The following TRPC6 variants were observed in gnomAD, a reference collection of about 807,000 sequenced individuals.
TRPC6 encodes transient receptor potential cation channel subfamily C member 6.
TRPC6 carries 55 observed loss-of-function variants against 90.7 expected under a neutral mutation model. The observed-to-expected ratio is 0.61, with a 90% CI of 0.49 to 0.76. TRPC6 has a LOEUF of 0.76. Ranked by LOEUF, TRPC6 falls within the 30% of genes least tolerant of loss-of-function variation. The pLI, the probability that TRPC6 is intolerant of heterozygous loss-of-function variation, is 0.00. For missense variants in TRPC6, 989 were observed against 1,122.7 expected (o/e 0.88, Z 1.70); for synonymous variants, 393 against 393.0 (o/e 1.00, Z 0.00).
At chr11:101,479,967 T>G (rs1035009738) in intron 5 of TRPC6, among the ~76,000 whole-genome samples, 2 of 151,930 alleles carry the variant, frequency 1.3e-5, no homozygotes, top group Non-Finnish European at 2.9e-5. Context: ...TCACCTGAGG[T>G]TGGAAGTTTG....
intron 1 of TRPC6, among the ~76,000 whole-genome samples, chr11:101,555,760 C>T (rs2136851714): frequency 6.6e-6 from 1 of 152,156 alleles, no homozygotes; most frequent in South Asian, 2.1e-4. Flanking sequence ...TAGTCAGGAA[C>T]AGAAAATGTG....
rs1858791791 is a variant in TRPC6 at position 101,452,745 on chromosome 11, T to C, written c.*210A>G. 1 of 570,276 alleles carries C rather than the reference T, an allele frequency of 1.8e-6. No individual in the cohort carries two copies. Among genetic ancestry groups the C allele is most frequent in the South Asian group, 2.1e-5 (1 of 47,130 alleles). The allele number at this position is 570,276 out of a possible 1,614,324, so 35.3% of individuals were successfully genotyped here. On this transcript the variant is annotated 3_prime_UTR_variant, in exon 13 of 13. Transcript: ENST00000344327. ...ACAAGCACCAAACAACTGGGCATAA[T>C]TTTCCTCATTATCTACAGCCTTTAC...
intron 1 of TRPC6, among the ~76,000 whole-genome samples, chr11:101,544,390 A>T (rs544272355): frequency 6.6e-6 from 1 of 152,338 alleles, no homozygotes; most frequent in South Asian, 2.1e-4. Context: ...GTATATACCC[A>T]AAGGATTATA....
chr11:101,567,562 C>A (rs1378332840), intron 1 of TRPC6, among the ~76,000 whole-genome samples: 2 of 152,208 alleles, frequency 1.3e-5, no homozygotes, highest in African/African-American at 4.8e-5. Context: ...CCCCGTGTAT[C>A]CTGACTGGGA....
intron 1 of TRPC6, among the ~76,000 whole-genome samples, chr11:101,573,958 A>ATGTGTGTG (rs1275666976): frequency 9.6e-6 from 1 of 104,364 alleles, no homozygotes; most frequent in Non-Finnish European, 2.0e-5. Context: ...GTGTGTGTGT[A>ATGTGTGTG]TGTGTGTGTG....
intron 2 of TRPC6, among the ~76,000 whole-genome samples, chr11:101,500,213 T>TTG (rs1860083016): frequency 6.8e-6 from 1 of 147,910 alleles, no homozygotes; most frequent in Non-Finnish European, 1.5e-5. Flanking sequence ...TTTTTTTCTT[T>TTG]CTTTTTTTTT....
At chr11:101,539,168 G>A (rs1039269631) in intron 1 of TRPC6, among the ~76,000 whole-genome samples, 1 of 152,004 alleles carries the variant, frequency 6.6e-6, no homozygotes, top group Non-Finnish European at 1.5e-5. Flanking sequence ...TCTTTATCAC[G>A]CTCAATTTTG....
intron 9 of TRPC6, among the ~76,000 whole-genome samples, chr11:101,470,476 T>A (rs1456409263): frequency 6.6e-6 from 1 of 152,168 alleles, no homozygotes; most frequent in African/African-American, 2.4e-5. Flanking sequence ...ATCTCAGTGC[T>A]CCTTCTGAGT....
At position 101,453,536 on chromosome 11, in the gene TRPC6, T is replaced by C. The variant is rs534026007; in HGVS notation, c.2644+114A>G. 3.9e-6 allele frequency: 4 copies of C among 1,031,462 alleles called. No homozygotes were observed. In the East Asian group the frequency reaches 9.6e-5, roughly 25 times the overall value. 63.9% of individuals were successfully genotyped at this position (1,031,462 alleles called of 1,614,324 possible). ...GGTTGGTGAGATCCTGTTCTACTTT[T>C]CCCCTTGAAGTTCACTCTCCCTGTA... On this transcript the variant is annotated intron_variant, in intron 12 of 12. Transcript: ENST00000344327.
chr11:101,513,748 T>C (rs535050934), intron 1 of TRPC6, among the ~76,000 whole-genome samples: 2 of 152,184 alleles, frequency 1.3e-5, no homozygotes, highest in Non-Finnish European at 2.9e-5. Flanking sequence ...GATTCATCCA[T>C]AGAAATTCTA....
intron 1 of TRPC6, among the ~76,000 whole-genome samples, chr11:101,569,280 C>A (rs1861903520): frequency 6.6e-6 from 1 of 151,902 alleles, no homozygotes; most frequent in African/African-American, 2.4e-5. Context: ...AAGGCCATTA[C>A]ATGATGATAA....
chr11:101,500,503 C>T (rs918034492), intron 2 of TRPC6, among the ~76,000 whole-genome samples: 7 of 151,914 alleles, frequency 4.6e-5, no homozygotes, highest in African/African-American at 7.3e-5. Context: ...CCACCATTCT[C>T]GGCCCATATT....
intron 1 of TRPC6, among the ~76,000 whole-genome samples, chr11:101,552,527 G>T (rs1011815939): frequency 1.3e-5 from 2 of 152,050 alleles, no homozygotes; most frequent in Non-Finnish European, 1.5e-5. Flanking sequence ...AAGGAGGTGA[G>T]TCAGAAAGTT....
Position 101,473,703 on chromosome 11 carries a change from T to C in TRPC6, c.1815A>G (p.Leu605=). ...AAATATAAGCTATCCTAGAGAAACT[T>C]AAAACTACAGCAATTGCATAAAGAC... ...SEGLYAIAVV[L]SFSRIAYILP... is the part of the protein sequence containing the mutation. The change falls in exon 7 of 13, where the codon TTA becomes TTG. Residue 605 remains leucine, a synonymous_variant. Transcript: ENST00000344327. The C allele has an allele frequency of 6.2e-7, 1 of 1,613,764 alleles. No homozygotes were observed. Among genetic ancestry groups the C allele is most frequent in the Non-Finnish European group, 8.5e-7 (1 of 1,179,784 alleles).
At chr11:101,540,327 G>T (rs1040235835) in intron 1 of TRPC6, among the ~76,000 whole-genome samples, 2 of 152,142 alleles carry the variant, frequency 1.3e-5, no homozygotes, top group Non-Finnish European at 2.9e-5. Flanking sequence ...AGCAGACTTA[G>T]GTACTCAGAG....
intron 1 of TRPC6, among the ~76,000 whole-genome samples, chr11:101,556,683 G>A (rs1054919629): frequency 6.6e-6 from 1 of 152,068 alleles, no homozygotes; most frequent in Non-Finnish European, 1.5e-5. Context: ...AAACAGGAGG[G>A]AATACTTCCA....
At chr11:101,504,950 A>G (rs907069304) in intron 1 of TRPC6, 152 bp from the exon 2 acceptor site, 2 of 1,003,706 alleles carry the variant, frequency 2.0e-6, no homozygotes, top group Non-Finnish European at 2.8e-6. Context: ...AGATGCATTT[A>G]TTTGTTAATG....
intron 8 of TRPC6, among the ~76,000 whole-genome samples, 163 bp from the exon 9 acceptor site, chr11:101,471,549 T>C (rs1371261608): frequency 6.6e-6 from 1 of 152,198 alleles, no homozygotes; most frequent in African/African-American, 2.4e-5. Flanking sequence ...TATTCACATA[T>C]TCTTTCTTAA....
At chr11:101,519,319 C>T (rs1197857498) in intron 1 of TRPC6, among the ~76,000 whole-genome samples, 3 of 40,032 alleles carry the variant, frequency 7.5e-5, no homozygotes, top group African/African-American at 3.7e-4. Flanking sequence ...ATATATACAC[C>T]TATGTACCCA....
Sources: allele counts gnomAD v4.1 joint callset (sites outside exome capture counted in the v4.1 genomes callset), GRCh38; gene constraint gnomAD v4.1.1; transcripts MANE v1.5; gene names NCBI Gene and HGNC (gene_info 2026-07-23, HGNC 2026-07-21).